The following OOSP3 variants were observed in gnomAD, a reference collection of about 807,000 sequenced individuals.
The protein encoded by OOSP3 is oocyte-secreted protein 3.
chr11:59,894,832 T>C (rs1306247323), intron 3 of OOSP3, among the ~76,000 whole-genome samples: 1 of 152,112 alleles, frequency 6.6e-6, no homozygotes, highest in African/African-American at 2.4e-5. Flanking sequence ...CTCACCTAAC[T>C]GCCACCCCGC....
chr11:59,890,291 T>G (rs1853299267), intron 2 of OOSP3, among the ~76,000 whole-genome samples: 1 of 152,210 alleles, frequency 6.6e-6, no homozygotes, highest in South Asian at 2.1e-4. Flanking sequence ...AGGTTGATAT[T>G]GCTATGTGTG....
chr11:59,890,241 C>A (rs557148140), intron 2 of OOSP3, among the ~76,000 whole-genome samples: 1 of 152,278 alleles, frequency 6.6e-6, no homozygotes, highest in Admixed American at 6.5e-5. Flanking sequence ...GCTTGCCATT[C>A]TGTGTCTTTT....
intron 2 of OOSP3, among the ~76,000 whole-genome samples, chr11:59,893,731 C>T (rs1853332088): frequency 6.6e-6 from 1 of 152,124 alleles, no homozygotes; most frequent in Non-Finnish European, 1.5e-5. Context: ...TCAATATTTT[C>T]AGACATCTGG....
intron 2 of OOSP3, among the ~76,000 whole-genome samples, chr11:59,888,212 G>A (rs891782890): frequency 6.6e-6 from 1 of 152,090 alleles, no homozygotes; most frequent in African/African-American, 2.4e-5. Context: ...TGAGTCCATG[G>A]GGTTTTCTAG....
At chr11:59,882,868 A>G (rs1182340035) in intron 2 of OOSP3, among the ~76,000 whole-genome samples, 1 of 152,204 alleles carries the variant, frequency 6.6e-6, no homozygotes, top group Non-Finnish European at 1.5e-5. Flanking sequence ...TGGATATGTC[A>G]TATAAATTCA....
At chr11:59,880,853 C>T (rs751174013) in intron 2 of OOSP3, among the ~76,000 whole-genome samples, 1 of 152,080 alleles carries the variant, frequency 6.6e-6, no homozygotes, top group Non-Finnish European at 1.5e-5. Flanking sequence ...TACATTCTTC[C>T]TTTGAAGAAG....
chr11:59,881,777 G>A lies in OOSP3; in HGVS notation c.252+1338G>A, dbSNP rs200446073. Among the ~76,000 whole-genome samples, 39 of 152,144 alleles carry A rather than the reference G, an allele frequency of 2.6e-4. 1 individual carries two copies. The East Asian group carries it at 7.2e-3, about 28-fold the overall frequency. On this transcript the variant is annotated intron_variant, in intron 2 of 4. Transcript: ENST00000646438. ...CTCAGTAACTCAGGAGGCTGAGACA[G>A]GGAGAATTGCTTGAACCTGGGAGGC...
chr11:59,882,855 C>T (rs1590872520), intron 2 of OOSP3, among the ~76,000 whole-genome samples: 1 of 152,164 alleles, frequency 6.6e-6, no homozygotes, highest in African/African-American at 2.4e-5. Context: ...GATTTGCATA[C>T]TCTGGATATG....
At chr11:59,887,124 G>GTT (rs71036546) in intron 2 of OOSP3, among the ~76,000 whole-genome samples, 29 of 142,696 alleles carry the variant, frequency 2.0e-4, no homozygotes, top group Admixed American at 1.3e-3. Flanking sequence ...TTTTTTTGTT[G>GTT]TTTTTTTTTT....
At chr11:59,883,694 G>A (rs1853223532) in intron 2 of OOSP3, among the ~76,000 whole-genome samples, 1 of 152,196 alleles carries the variant, frequency 6.6e-6, no homozygotes, top group South Asian at 2.1e-4. Context: ...TAAATGATGG[G>A]TTAGCTTCAA....
At chr11:59,879,809 T>G (rs1853183460) in intron 1 of OOSP3, among the ~76,000 whole-genome samples, 1 of 152,164 alleles carries the variant, frequency 6.6e-6, no homozygotes, top group African/African-American at 2.4e-5. Flanking sequence ...CAGTTTCCCT[T>G]GTCTCTTCAC....
chr11:59,884,485 C>G (rs867541192), intron 2 of OOSP3, among the ~76,000 whole-genome samples: 2,449 of 112,842 alleles, frequency 0.022, 25 homozygotes, highest in African/African-American at 0.03. Flanking sequence ...GTCTCTCTCT[C>G]TCTCTCTCTC....
At chr11:59,881,418 A>T (rs563907432) in intron 2 of OOSP3, among the ~76,000 whole-genome samples, 1 of 152,048 alleles carries the variant, frequency 6.6e-6, no homozygotes, top group Admixed American at 6.6e-5. Context: ...ATAGAAGTTA[A>T]TGATAAAATC....
chr11:59,881,050 T>C (rs1228798533), intron 2 of OOSP3, among the ~76,000 whole-genome samples: 1 of 152,168 alleles, frequency 6.6e-6, no homozygotes, highest in Non-Finnish European at 1.5e-5. Context: ...TGTCAAGTTT[T>C]GAGACAGTTT....
chr11:59,883,351 A>C (rs73490936), intron 2 of OOSP3, among the ~76,000 whole-genome samples: 2,031 of 152,306 alleles, frequency 0.013, 49 homozygotes, highest in African/African-American at 0.045. Context: ...AAATGATTAG[A>C]TTTTATTAAA....
intron 2 of OOSP3, among the ~76,000 whole-genome samples, chr11:59,881,108 C>A (rs2134524388): frequency 6.6e-6 from 1 of 152,010 alleles, no homozygotes; most frequent in Non-Finnish European, 1.5e-5. Flanking sequence ...ACCCTATAAT[C>A]CCAGCAGTTT....
At chr11:59,881,217 G>A (rs1254947848) in intron 2 of OOSP3, among the ~76,000 whole-genome samples, 1 of 152,114 alleles carries the variant, frequency 6.6e-6, no homozygotes, top group Non-Finnish European at 1.5e-5. Context: ...TAAAAAATTA[G>A]CCAGGCATGG....
At chr11:59,892,027 C>A (rs1853316741) in intron 2 of OOSP3, among the ~76,000 whole-genome samples, 1 of 152,212 alleles carries the variant, frequency 6.6e-6, no homozygotes, top group African/African-American at 2.4e-5. Context: ...GAATCTCTTG[C>A]CTCACTGGAG....
chr11:59,882,517 C>T (rs1853213496), intron 2 of OOSP3, among the ~76,000 whole-genome samples: 1 of 152,008 alleles, frequency 6.6e-6, no homozygotes, highest in Non-Finnish European at 1.5e-5. Context: ...ACCTTGGTGG[C>T]TTCATTTCTT....
Sources: allele counts gnomAD v4.1 joint callset (sites outside exome capture counted in the v4.1 genomes callset), GRCh38; gene constraint gnomAD v4.1.1; transcripts MANE v1.5; gene names NCBI Gene and HGNC (gene_info 2026-07-23, HGNC 2026-07-21).